ZGRF1: variants seen among roughly 807,000 people sequenced by gnomAD.
ZGRF1 encodes the protein zinc finger GRF-type containing 1.
In ZGRF1, 196 loss-of-function variants were observed where a neutral mutation model predicts 203.5. That is an observed-to-expected ratio of 0.96 (90% CI 0.86 to 1.08). The LOEUF (loss-of-function observed/expected upper bound fraction) is 1.08, where lower values mean the gene tolerates loss of function less well. Among genes scored for constraint, ZGRF1 ranks in the 50% least tolerant of loss-of-function variants. The pLI is 0.00. For synonymous variants in ZGRF1, 809 were observed against 841.3 expected, an observed-to-expected ratio of 0.96 and a Z score of 0.66; for missense variants, 2,326 against 2,416.3, an observed-to-expected ratio of 0.96 and a Z score of 0.78.
intron 24 of ZGRF1, among the ~76,000 whole-genome samples, chr4:112,541,937 A>G (rs977335590): frequency 1.3e-5 from 2 of 152,240 alleles, no homozygotes; most frequent in African/African-American, 4.8e-5. Context: ...CTCACTGAGT[A>G]AAAGCCATTT....
At chr4:112,600,043 G>GT (rs1048132595) in intron 10 of ZGRF1, among the ~76,000 whole-genome samples, 69 of 142,148 alleles carry the variant, frequency 4.9e-4, no homozygotes, top group Non-Finnish European at 3.5e-4. Flanking sequence ...TTGAGGTAAT[G>GT]TTTTTTTTTC....
Position 112,623,846 on chromosome 4 carries a change from A to AT in ZGRF1, c.132_133insA (p.Leu45IlefsTer7). The AT allele has an allele frequency of 2.5e-6, 4 of 1,586,582 alleles. No homozygotes were observed. The highest frequency in any genetic ancestry group is 3.5e-6 in the Non-Finnish European group (4 of 1,158,884). ...AGGCATTTAAGAAACAGACTCTCCA[A>AT]ACATGCTCCTTTGTCATCATATAAA... is the stretch of plus-strand genomic sequence containing the variant. On this transcript the variant is annotated frameshift_variant, in exon 4 of 28. Transcript: ENST00000505019. LOFTEE classifies it high-confidence loss of function.
chr4:112,627,146 T>C (rs1359629723), intron 3 of ZGRF1, among the ~76,000 whole-genome samples: 3 of 152,216 alleles, frequency 2.0e-5, no homozygotes, highest in African/African-American at 7.2e-5. Flanking sequence ...ACTAAAAATC[T>C]TGATTGTTCC....
intron 16 of ZGRF1, among the ~76,000 whole-genome samples, chr4:112,577,083 G>GAA (rs1745385167): frequency 1.6e-5 from 1 of 62,898 alleles, no homozygotes; most frequent in African/African-American, 4.8e-5. Flanking sequence ...TGATCTCTCA[G>GAA]CAGAAACTGT....
intron 3 of ZGRF1, among the ~76,000 whole-genome samples, chr4:112,626,060 TAG>T (rs1241755142): frequency 6.6e-6 from 1 of 152,130 alleles, no homozygotes; most frequent in East Asian, 1.9e-4. Flanking sequence ...TAGGTAAATC[TAG>T]AGACAGTAAG....
Position 112,619,555 on chromosome 4 carries a change from T to TAGGA in ZGRF1, c.483_486dup (p.Thr163SerfsTer10). The TAGGA allele has an allele frequency of 6.2e-7, 1 of 1,614,080 alleles. No homozygotes were observed. The highest frequency in any genetic ancestry group is 8.5e-7 in the Non-Finnish European group (1 of 1,179,980). ...TTATTTACATCTTTCTTGCCAACAG[T>TAGGA]AGGAAACAAAGGAGGCATGCTGCAG... is the stretch of plus-strand genomic sequence containing the variant. On this transcript the variant is annotated frameshift_variant, in exon 6 of 28. Coordinates refer to ENST00000505019, the MANE Select transcript of ZGRF1 (RefSeq NM_018392.5). LOFTEE classifies it high-confidence loss of function.
chr4:112,618,306 G>C lies in ZGRF1; in HGVS notation c.1736C>G (p.Thr579Arg). The C allele has an allele frequency of 1.3e-5, 21 of 1,613,842 alleles. No individual in the cohort carries two copies. The highest frequency in any genetic ancestry group is 1.7e-5 in the Non-Finnish European group (20 of 1,179,886). The change falls in exon 6 of 28, where the codon ACA (threonine) becomes AGA (arginine). Residue 579 changes from threonine (T) to arginine (R), a missense_variant. By Grantham distance (71) the Thr-to-Arg change is moderately conservative. Transcript: ENST00000505019. ...TTCACCCTCAATCTCTTCACAGTTT[G>C]TATTCTCAGACCTCTTTTGAAAACA... is the stretch of plus-strand genomic sequence containing the variant. ...NSCFQKRSENTNCEEIEGEHL... is the reference protein window; with the variant it reads ...NSCFQKRSENRNCEEIEGEHL...
intron 16 of ZGRF1, among the ~76,000 whole-genome samples, chr4:112,572,182 T>C (rs1225365149): frequency 2.0e-5 from 3 of 152,144 alleles, no homozygotes; most frequent in African/African-American, 7.2e-5. Flanking sequence ...CAAAACAGCA[T>C]GGTACTGGTA....
At chr4:112,544,019 A>AT (rs1258930590) in intron 24 of ZGRF1, among the ~76,000 whole-genome samples, 2 of 151,820 alleles carry the variant, frequency 1.3e-5, no homozygotes, top group East Asian at 1.9e-4. Flanking sequence ...TTTAGTTAAG[A>AT]TTTTTTTTAA....
intron 3 of ZGRF1, among the ~76,000 whole-genome samples, chr4:112,625,511 G>A (rs1212145332): frequency 2.0e-5 from 3 of 150,172 alleles, no homozygotes; most frequent in African/African-American, 4.9e-5. Context: ...CGTGAAACCC[G>A]GGAGGCGGAG....
rs1031301864 is a variant in ZGRF1, at chr4:112,580,805, T to C, written c.4438+858A>G. ...AGGTGCTGGAGAGGATGTGGAGAAA[T>C]AGGAACACTTTTACACTGTTGGTGG... On this transcript the variant is annotated intron_variant, in intron 16 of 27. Transcript: ENST00000505019. Among the ~76,000 whole-genome samples, 10 of 152,050 alleles carry C rather than the reference T, an allele frequency of 6.6e-5. No homozygotes were observed. In the East Asian group the frequency reaches 1.6e-3, roughly 24 times the overall value.
At chr4:112,571,664 C>T (rs575059858) in intron 16 of ZGRF1, among the ~76,000 whole-genome samples, 48 of 152,160 alleles carry the variant, frequency 3.2e-4, no homozygotes, top group African/African-American at 1.1e-3. Context: ...GGATTACAGG[C>T]GTGAGCCACC....
At chr4:112,558,107 T>C (rs774440174) in intron 20 of ZGRF1, 43 bp downstream of exon 20, 1 of 1,555,762 alleles carries the variant, frequency 6.4e-7, no homozygotes, top group South Asian at 1.2e-5. Context: ...CTCTCAACAA[T>C]ATCCCAAAAC....
Position 112,558,168 on chromosome 4 carries a change from A to G in ZGRF1, c.5102T>C (p.Val1701Ala). The G allele has an allele frequency of 6.2e-7, 1 of 1,607,188 alleles. No individual in the cohort carries two copies. Among genetic ancestry groups the G allele is most frequent in the African/African-American group, 1.3e-5 (1 of 74,540 alleles). ...LLISSSTNVA[V>A]DRVLLGLLSL... is the part of the protein sequence containing the mutation. ...TGCCTACCCAAGAAGTACTCTGTCAACAGCCACATTAGTAGAAGAAGAAAT... is the reference window on the plus strand; with the variant it reads ...TGCCTACCCAAGAAGTACTCTGTCAGCAGCCACATTAGTAGAAGAAGAAAT... Residue 1701 changes from valine to alanine, a missense_variant, in exon 20 of 28, where the codon GTT becomes GCT. Transcript: ENST00000505019.
chr4:112,607,420 C>T (rs1750943065), intron 8 of ZGRF1, among the ~76,000 whole-genome samples: 1 of 152,230 alleles, frequency 6.6e-6, no homozygotes, highest in African/African-American at 2.4e-5. Flanking sequence ...CCGTGTGAGC[C>T]ACTGTGCCAA....
Position 112,586,370 on chromosome 4 carries a change from A to G in ZGRF1, c.3916+75T>C, listed in dbSNP as rs189505881. On this transcript the variant is annotated intron_variant, in intron 13 of 27. Coordinates refer to ENST00000505019, the MANE Select transcript of ZGRF1 (RefSeq NM_018392.5). ...ATTTAGTATGAAAATTCACAATATAATGTATTAAATTCTCACAATTTTACT... is the reference window on the plus strand; with the variant it reads ...ATTTAGTATGAAAATTCACAATATAGTGTATTAAATTCTCACAATTTTACT... The G allele has an allele frequency of 8.6e-3, 9,442 of 1,100,698 alleles. 70 individuals are homozygous for G. The highest frequency in any genetic ancestry group is 9.9e-3 in the Non-Finnish European group (7,977 of 804,746). The allele number at this position is 1,100,698 out of a possible 1,614,324, so 68.2% of individuals were successfully genotyped here.
rs1746788126 is a variant in ZGRF1 at position 112,584,283 on chromosome 4, T to C, written c.4102-109A>G. 1.1e-5 allele frequency: 6 copies of C among 557,202 alleles called. No homozygotes were observed. The South Asian group carries it at 1.6e-4, about 15-fold the overall frequency. 34.5% of individuals were successfully genotyped at this position (557,202 alleles called of 1,614,324 possible). On this transcript the variant is annotated intron_variant, in intron 14 of 27. Transcript: ENST00000505019. ...TGAAGACTGCTTGGCATTACTGTAC[T>C]CCAGTAAATTAGTCACTATATGACT...
chr4:112,540,271 A>T (rs1737308967), intron 26 of ZGRF1, 147 bp from the exon 27 acceptor site: 1 of 491,068 alleles, frequency 2.0e-6, no homozygotes, highest in Admixed American at 4.0e-5. Context: ...GCTAGTTTCT[A>T]AAATGATAGA....
chr4:112,586,437 A>T lies in ZGRF1; in HGVS notation c.3916+8T>A. Reference sequence around the variant, plus strand: ...AATCATGATACAATAAAAACACAACAGCCATACCTATGAGGCAAGATGTGA... The same window carrying T: ...AATCATGATACAATAAAAACACAACTGCCATACCTATGAGGCAAGATGTGA... On this transcript the variant is annotated splice_region_variant and intron_variant, in intron 13 of 27. Transcript: ENST00000505019. 4.4e-6 allele frequency: 7 copies of T among 1,600,186 alleles called. No homozygotes were observed. Among genetic ancestry groups the T allele is most frequent in the Non-Finnish European group, 6.0e-6 (7 of 1,172,450 alleles).
Sources: gnomAD v4.1 joint callset for allele counts (sites outside exome capture counted in the v4.1 genomes callset) on GRCh38, gnomAD v4.1.1 for gene constraint, MANE v1.5 for transcripts, NCBI Gene and HGNC (gene_info 2026-07-23, HGNC 2026-07-21) for gene names.